CSMD1: variants seen among roughly 807,000 people sequenced by gnomAD.
CSMD1 encodes the protein CUB and sushi domain-containing protein 1.
CSMD1 carries 213 observed loss-of-function variants against 417.5 expected under a neutral mutation model. That is an observed-to-expected ratio of 0.51 (90% confidence interval 0.46 to 0.57). The LOEUF is 0.57. Among genes scored for constraint, CSMD1 ranks in the 20% least tolerant of loss-of-function variants. The probability of loss-of-function intolerance (pLI) is 0.00; values close to 1 mark genes in which losing one functional copy is unlikely to be tolerated. For missense variants in CSMD1, 6,923 were observed against 4,529.7 expected (o/e 1.53, Z -15.17); for synonymous variants, 2,862 against 1,736.8 (o/e 1.65, Z -16.11).
chr8:3,538,530 C>T (rs1053471884), intron 10 of CSMD1, among the ~76,000 whole-genome samples: 1 of 151,704 alleles, frequency 6.6e-6, no homozygotes, highest in Non-Finnish European at 1.5e-5. Context: ...ACCTGCGATG[C>T]CTCGCCTGCG....
At chr8:4,783,502 A>G (rs1403510301) in intron 1 of CSMD1, among the ~76,000 whole-genome samples, 2 of 152,232 alleles carry the variant, frequency 1.3e-5, no homozygotes, top group African/African-American at 4.8e-5. Context: ...TTGTCATTAA[A>G]TAAAGAAAAA....
intron 5 of CSMD1, among the ~76,000 whole-genome samples, chr8:3,791,789 C>T (rs1799756647): frequency 1.3e-5 from 2 of 152,046 alleles, no homozygotes; most frequent in South Asian, 2.1e-4. Flanking sequence ...CAGCACTGCA[C>T]TCCAGCCTGG....
chr8:3,208,622 G>C (rs1394912793), intron 30 of CSMD1, among the ~76,000 whole-genome samples: 3 of 152,146 alleles, frequency 2.0e-5, no homozygotes, highest in Admixed American at 2.0e-4. Context: ...AGGATAGAAA[G>C]TATTGATCCT....
intron 1 of CSMD1, among the ~76,000 whole-genome samples, chr8:4,947,719 T>A (rs7013186): frequency 1.3e-5 from 2 of 151,942 alleles, no homozygotes; most frequent in Admixed American, 6.6e-5. Flanking sequence ...TGTCTAAAGT[T>A]TGTAGCTGAG....
At chr8:3,354,909 A>C (rs2117682198) in intron 21 of CSMD1, among the ~76,000 whole-genome samples, 1 of 151,420 alleles carries the variant, frequency 6.6e-6, no homozygotes. Context: ...AGATCTATCT[A>C]TAGATATGTC....
intron 2 of CSMD1, among the ~76,000 whole-genome samples, chr8:4,622,811 G>A (rs1234517425): frequency 6.6e-6 from 1 of 152,132 alleles, no homozygotes; most frequent in Non-Finnish European, 1.5e-5. Context: ...GCACAAAAGG[G>A]AAAGTTGAGC....
At chr8:3,472,490 A>G (rs1441908657) in intron 11 of CSMD1, among the ~76,000 whole-genome samples, 2 of 152,094 alleles carry the variant, frequency 1.3e-5, no homozygotes, top group Admixed American at 1.3e-4. Flanking sequence ...CCCATCTCTG[A>G]CAAAACTCCA....
intron 1 of CSMD1, among the ~76,000 whole-genome samples, chr8:4,795,511 C>A (rs1797930656): frequency 1.3e-5 from 2 of 151,730 alleles, no homozygotes; most frequent in African/African-American, 4.8e-5. Flanking sequence ...ACCTGCCCAC[C>A]TCGGCCTTCC....
chr8:3,490,180 C>G (rs1818287786), intron 11 of CSMD1, among the ~76,000 whole-genome samples: 2 of 152,162 alleles, frequency 1.3e-5, no homozygotes, highest in South Asian at 2.1e-4. Flanking sequence ...CTTTCCTCTT[C>G]TGCAGCTGAT....
intron 2 of CSMD1, among the ~76,000 whole-genome samples, chr8:4,533,003 C>T (rs183734408): frequency 6.6e-6 from 1 of 152,108 alleles, no homozygotes; most frequent in South Asian, 2.1e-4. Context: ...AATCCTGCAC[C>T]CCTACTCACA....
rs572350904 is a variant in CSMD1, at chr8:3,487,852, C to A, written c.1448+5771G>T. Reference sequence around the variant, plus strand: ...AAAAATCCTCAAGGCATTGCTGAAACCTCACTTAGTAACATTACCAATTTT... The same window carrying A: ...AAAAATCCTCAAGGCATTGCTGAAAACTCACTTAGTAACATTACCAATTTT... On this transcript the variant is annotated intron_variant, in intron 11 of 69. Coordinates refer to ENST00000635120, the MANE Select transcript of CSMD1 (RefSeq NM_033225.6). Among the ~76,000 whole-genome samples the A allele has an allele frequency of 3.4e-3, 511 of 152,034 alleles. 5 individuals carry two copies. Among genetic ancestry groups the A allele is most frequent in the African/African-American group, 0.012 (483 of 41,414 alleles).
At chr8:4,068,222 A>G (rs1034101058) in intron 3 of CSMD1, among the ~76,000 whole-genome samples, 1 of 152,212 alleles carries the variant, frequency 6.6e-6, no homozygotes, top group African/African-American at 2.4e-5. Flanking sequence ...CAGTGTTAAA[A>G]GCAGAAGAAA....
At chr8:4,654,797 G>C (rs181084601) in intron 1 of CSMD1, among the ~76,000 whole-genome samples, 14 of 152,110 alleles carry the variant, frequency 9.2e-5, no homozygotes, top group Admixed American at 9.2e-4. Flanking sequence ...GACAACTTTG[G>C]AAAGTCATCT....
At chr8:3,552,175 CACAA>C (rs556945585) in intron 10 of CSMD1, among the ~76,000 whole-genome samples, 216 of 152,232 alleles carry the variant, frequency 1.4e-3, no homozygotes, top group African/African-American at 4.7e-3. Flanking sequence ...AGATTTTCTG[CACAA>C]ACAGAGTACT....
chr8:4,494,168 T>C (rs1036160659), intron 2 of CSMD1, among the ~76,000 whole-genome samples: 5 of 152,168 alleles, frequency 3.3e-5, no homozygotes, highest in Non-Finnish European at 7.3e-5. Context: ...CAAAAACCAA[T>C]ATTCCTGTCA....
intron 5 of CSMD1, among the ~76,000 whole-genome samples, chr8:3,969,783 G>A (rs1320409824): frequency 6.6e-6 from 1 of 152,114 alleles, no homozygotes; most frequent in South Asian, 2.1e-4. Context: ...AATCACTGAA[G>A]AAGAAATCTA....
intron 2 of CSMD1, among the ~76,000 whole-genome samples, chr8:4,607,169 A>G (rs1200392112): frequency 3.3e-5 from 5 of 152,152 alleles, no homozygotes; most frequent in Non-Finnish European, 5.9e-5. Context: ...CGATCCTTGT[A>G]CTCAAGGAAC....
intron 1 of CSMD1, among the ~76,000 whole-genome samples, chr8:4,977,099 G>A (rs1045669347): frequency 1.1e-4 from 16 of 152,106 alleles, no homozygotes; most frequent in African/African-American, 3.9e-4. Context: ...CTCTCAAGAT[G>A]GAGCACATTT....
Position 3,307,838 on chromosome 8 carries a change from G to T in CSMD1, c.3824-17C>A. ...CACATTCCGCTGTAGAAGACACAGA[G>T]AGATGGGAACGTTCAGCTTCAGGCA... On this transcript the variant is annotated splice_polypyrimidine_tract_variant and intron_variant, in intron 24 of 69. Coordinates refer to ENST00000635120, the MANE Select transcript of CSMD1 (RefSeq NM_033225.6). 6.2e-7 allele frequency: 1 copy of T among 1,606,812 alleles called. No homozygotes were observed. The highest frequency in any genetic ancestry group is 1.1e-5 in the South Asian group (1 of 89,164).
Sources: allele counts gnomAD v4.1 joint callset (sites outside exome capture counted in the v4.1 genomes callset), GRCh38; gene constraint gnomAD v4.1.1; transcripts MANE v1.5; gene names NCBI Gene and HGNC (gene_info 2026-07-23, HGNC 2026-07-21).